KLHDC1: variants seen among roughly 807,000 people sequenced by gnomAD.
KLHDC1 encodes kelch domain-containing protein 1.
Under a neutral mutation model 68.3 loss-of-function variants are expected in KLHDC1, and 53 were observed. The ratio of observed to expected loss-of-function variants is 0.78; its 90% CI spans 0.62 to 0.98. The LOEUF (loss-of-function observed/expected upper bound fraction) is 0.98. Ranked by LOEUF, KLHDC1 falls within the 50% of genes least tolerant of loss-of-function variation. KLHDC1 has a pLI of 0.00. For missense variants in KLHDC1, 470 were observed against 492.3 expected (o/e 0.95, Z 0.43); for synonymous variants, 148 against 159.0 (o/e 0.93, Z 0.52).
chr14:49,748,639 G>A (rs12434721), intron 12 of KLHDC1, among the ~76,000 whole-genome samples: 34,725 of 151,700 alleles, frequency 0.23, 4,694 homozygotes, highest in Admixed American at 0.34. Flanking sequence ...TGTTCTGATT[G>A]TAAAAAGATG....
In KLHDC1 at chr14:49,722,608, C is replaced by T. The variant is rs141941551; in HGVS notation, c.405-1266C>T. ...GCGCCATGGCTCAAGCCTTGTATTACGCCTTTTTCACACTGCTGATAATGA... is the reference window on the plus strand; with the variant it reads ...GCGCCATGGCTCAAGCCTTGTATTATGCCTTTTTCACACTGCTGATAATGA... On this transcript the variant is annotated intron_variant, in intron 4 of 12. Coordinates refer to ENST00000359332, the MANE Select transcript of KLHDC1 (RefSeq NM_172193.3). Among the ~76,000 whole-genome samples, 544 of 152,292 alleles carry T rather than the reference C, an allele frequency of 3.6e-3. 2 individuals carry two copies. The highest frequency in any genetic ancestry group is 0.011 in the African/African-American group (446 of 41,562).
intron 1 of KLHDC1, among the ~76,000 whole-genome samples, chr14:49,702,228 A>T (rs573317791): frequency 2.6e-5 from 4 of 152,132 alleles, no homozygotes; most frequent in African/African-American, 9.6e-5. Context: ...GATAAGTGCA[A>T]TTTACAAAAT....
chr14:49,700,411 T>C (rs1887871213), intron 1 of KLHDC1, among the ~76,000 whole-genome samples: 1 of 151,932 alleles, frequency 6.6e-6, no homozygotes, highest in South Asian at 2.1e-4. Flanking sequence ...AGCAAGACCC[T>C]TGTCTCTGCT....
At chr14:49,702,467 A>G (rs1261041354) in intron 1 of KLHDC1, among the ~76,000 whole-genome samples, 3 of 152,210 alleles carry the variant, frequency 2.0e-5, no homozygotes, top group African/African-American at 7.2e-5. Context: ...TCTACTTTAT[A>G]TATTCATAAA....
At chr14:49,694,043 T>G (rs1356870906) in intron 1 of KLHDC1, among the ~76,000 whole-genome samples, 1 of 152,152 alleles carries the variant, frequency 6.6e-6, no homozygotes, top group East Asian at 1.9e-4. Context: ...TTAGCCACTG[T>G]GCCTGGCTTG....
intron 8 of KLHDC1, among the ~76,000 whole-genome samples, chr14:49,732,017 T>A (rs1888821160): frequency 6.6e-6 from 1 of 152,086 alleles, no homozygotes; most frequent in Non-Finnish European, 1.5e-5. Context: ...AAACCCATAA[T>A]ATCCTTGGGG....
intron 11 of KLHDC1, 120 bp from the exon 12 acceptor site, chr14:49,743,633 A>G: frequency 1.6e-6 from 1 of 619,756 alleles, no homozygotes; most frequent in Admixed American, 3.1e-5. Flanking sequence ...CAACAGCTAG[A>G]AAGATTTATT....
chr14:49,698,284 A>G (rs1451342817), intron 1 of KLHDC1, among the ~76,000 whole-genome samples: 1 of 151,918 alleles, frequency 6.6e-6, no homozygotes, highest in African/African-American at 2.4e-5. Flanking sequence ...GCTCACTGCA[A>G]CCTCCGCCTC....
chr14:49,733,034 G>C (rs1888852419), intron 9 of KLHDC1, among the ~76,000 whole-genome samples: 1 of 152,168 alleles, frequency 6.6e-6, no homozygotes, highest in Admixed American at 6.5e-5. Context: ...AAGGGTGATT[G>C]AAGCTAGATG....
intron 4 of KLHDC1, among the ~76,000 whole-genome samples, chr14:49,714,417 G>A (rs1888314596): frequency 6.6e-6 from 1 of 151,844 alleles, no homozygotes; most frequent in Non-Finnish European, 1.5e-5. Flanking sequence ...AGGTTGCAGT[G>A]AGCCGAGATC....
intron 4 of KLHDC1, among the ~76,000 whole-genome samples, chr14:49,712,124 T>A (rs929765540): frequency 6.6e-6 from 1 of 151,958 alleles, no homozygotes; most frequent in Admixed American, 6.6e-5. Context: ...TTCACCATGT[T>A]AGCCAGGATG....
At chr14:49,717,770 C>T (rs532060518) in intron 4 of KLHDC1, among the ~76,000 whole-genome samples, 3 of 151,690 alleles carry the variant, frequency 2.0e-5, no homozygotes, top group East Asian at 1.9e-4. Flanking sequence ...TGGTAGAATT[C>T]GCCAGTGAAG....
intron 4 of KLHDC1, among the ~76,000 whole-genome samples, chr14:49,723,319 C>A (rs1047176268): frequency 6.6e-6 from 1 of 151,546 alleles, no homozygotes; most frequent in Non-Finnish European, 1.5e-5. Context: ...GATAACTTGA[C>A]CCCAAGAGTT....
intron 1 of KLHDC1, among the ~76,000 whole-genome samples, chr14:49,706,338 G>A (rs112116454): frequency 0.045 from 6,920 of 152,138 alleles, 530 homozygotes; most frequent in African/African-American, 0.16. Context: ...GCTGAATGGT[G>A]CTCCATTGTG....
chr14:49,741,754 A>G (rs1284975596), intron 11 of KLHDC1, among the ~76,000 whole-genome samples: 1 of 152,188 alleles, frequency 6.6e-6, no homozygotes, highest in Non-Finnish European at 1.5e-5. Context: ...TTTCACTCCT[A>G]GCACCCTGGG....
chr14:49,717,040 A>G (rs901043492), intron 4 of KLHDC1, among the ~76,000 whole-genome samples: 6 of 152,202 alleles, frequency 3.9e-5, no homozygotes, highest in Admixed American at 6.6e-5. Context: ...ATGTTGTAGC[A>G]TATAGCATTC....
intron 1 of KLHDC1, among the ~76,000 whole-genome samples, chr14:49,697,417 T>C (rs1887775888): frequency 1.3e-5 from 2 of 152,196 alleles, no homozygotes; most frequent in Admixed American, 6.6e-5. Flanking sequence ...TCAAAGATCA[T>C]TGATCACAGA....
chr14:49,696,848 T>TTG (rs1319948420), intron 1 of KLHDC1, among the ~76,000 whole-genome samples: 2 of 120,846 alleles, frequency 1.7e-5, no homozygotes, highest in East Asian at 5.2e-4. Context: ...AAGCTTAATT[T>TTG]CTAGCTTTTG....
chr14:49,710,192 A>G, intron 3 of KLHDC1, 71 bp from the exon 4 acceptor site: 1 of 812,184 alleles, frequency 1.2e-6, no homozygotes, highest in East Asian at 2.5e-5. Context: ...TAATTCTTGG[A>G]TCACATTCCC....
Sources: allele counts gnomAD v4.1 joint callset (sites outside exome capture counted in the v4.1 genomes callset), GRCh38; gene constraint gnomAD v4.1.1; transcripts MANE v1.5; gene names NCBI Gene and HGNC (gene_info 2026-07-23, HGNC 2026-07-21).